Variants in OXR1 observed in about 807,000 individuals in gnomAD.
The protein encoded by OXR1 is oxidation resistance protein 1.
A neutral mutation model predicts 104.6 loss-of-function variants in OXR1; 41 were observed. That is an observed-to-expected ratio of 0.39 (90% CI 0.31 to 0.51). The LOEUF is 0.51. Among genes scored for constraint, OXR1 ranks in the 20% least tolerant of loss-of-function variants. OXR1 has a pLI of 0.77. For missense variants in OXR1, 955 were observed against 1,031.9 expected (o/e 0.93, Z 1.02); for synonymous variants, 348 against 348.4 (o/e 1.00, Z 0.01).
chr8:106,544,655 G>T (rs1364431041), intron 3 of OXR1, among the ~76,000 whole-genome samples: 1 of 152,100 alleles, frequency 6.6e-6, no homozygotes, highest in Admixed American at 6.6e-5. Flanking sequence ...AATATATAAT[G>T]CTGAATCTCG....
At chr8:106,715,480 GTGTT>G (rs1832149988) in intron 11 of OXR1, among the ~76,000 whole-genome samples, 1 of 150,248 alleles carries the variant, frequency 6.7e-6, no homozygotes, top group Non-Finnish European at 1.5e-5. Context: ...TCCCTGAGCT[GTGTT>G]TTTAAGATTA....
chr8:106,297,243 T>C (rs1402755237), intron 1 of OXR1, among the ~76,000 whole-genome samples: 4 of 152,196 alleles, frequency 2.6e-5, no homozygotes, highest in Non-Finnish European at 5.9e-5. Context: ...TATTTTACTT[T>C]GTCTTTGATT....
intron 11 of OXR1, among the ~76,000 whole-genome samples, chr8:106,735,190 C>CT (rs985753037): frequency 6.6e-6 from 1 of 150,864 alleles, no homozygotes; most frequent in African/African-American, 2.4e-5. Context: ...ATTCAAATCT[C>CT]TTTTTTCTAT....
chr8:106,681,808 A>G (rs1828182587), intron 4 of OXR1, among the ~76,000 whole-genome samples: 1 of 152,144 alleles, frequency 6.6e-6, no homozygotes, highest in South Asian at 2.1e-4. Flanking sequence ...TACAGGCATG[A>G]CCCACCATGT....
chr8:106,312,000 C>A lies in OXR1; in HGVS notation c.-139+41633C>A, dbSNP rs555383775. Among the ~76,000 whole-genome samples, 3 of 151,962 alleles carry A rather than the reference C, an allele frequency of 2.0e-5. No homozygotes were observed. The East Asian group carries it at 5.8e-4, about 29-fold the overall frequency. ...TTTTATATCCTCATCTTCACCTACA[C>A]CCCCACCCCCCTGCCCACAGACCTT... On this transcript the variant is annotated intron_variant, in intron 1 of 16. Coordinates refer to ENST00000517566, the MANE Select transcript of OXR1 (RefSeq NM_001198533.2).
At chr8:106,344,025 A>G (rs1815369495) in intron 1 of OXR1, among the ~76,000 whole-genome samples, 1 of 152,226 alleles carries the variant, frequency 6.6e-6, no homozygotes, top group Non-Finnish European at 1.5e-5. Context: ...CTGGTAGTTC[A>G]GAAACTAACT....
chr8:106,323,696 A>C (rs1406960461), intron 1 of OXR1, among the ~76,000 whole-genome samples: 1 of 152,182 alleles, frequency 6.6e-6, no homozygotes, highest in Non-Finnish European at 1.5e-5. Context: ...AAAAGTGCGC[A>C]AAGGACATGA....
intron 2 of OXR1, among the ~76,000 whole-genome samples, chr8:106,365,437 A>G (rs562836417): frequency 1.3e-5 from 2 of 152,142 alleles, no homozygotes; most frequent in East Asian, 3.9e-4. Context: ...AAGAGAAAAA[A>G]AAAAAAGAAT....
intron 3 of OXR1, among the ~76,000 whole-genome samples, chr8:106,566,442 A>C (rs1034091889): frequency 1.3e-5 from 2 of 152,202 alleles, no homozygotes; most frequent in Non-Finnish European, 2.9e-5. Flanking sequence ...GCCTGTTAGA[A>C]TGGTGATCAT....
chr8:106,683,881 A>T (rs1828432201), intron 5 of OXR1, among the ~76,000 whole-genome samples: 1 of 152,188 alleles, frequency 6.6e-6, no homozygotes. Flanking sequence ...ATGCCTGTAC[A>T]CATCTGTTTT....
At chr8:106,293,741 G>A (rs1346304171) in intron 1 of OXR1, among the ~76,000 whole-genome samples, 5 of 152,090 alleles carry the variant, frequency 3.3e-5, no homozygotes, top group South Asian at 2.1e-4. Flanking sequence ...CAAACTCTTT[G>A]TCCTTACATG....
intron 2 of OXR1, among the ~76,000 whole-genome samples, chr8:106,393,117 G>A (rs1341551226): frequency 6.6e-6 from 1 of 152,092 alleles, no homozygotes. Flanking sequence ...ATAGCAAGCT[G>A]ATTACCTGTA....
At chr8:106,480,525 G>C (rs1360934835) in intron 2 of OXR1, among the ~76,000 whole-genome samples, 1 of 151,850 alleles carries the variant, frequency 6.6e-6, no homozygotes, top group East Asian at 1.9e-4. Context: ...TTAAACTATA[G>C]AAGTATTTCA....
chr8:106,353,295 G>A (rs777565240), intron 1 of OXR1, among the ~76,000 whole-genome samples: 1 of 152,118 alleles, frequency 6.6e-6, no homozygotes, highest in African/African-American at 2.4e-5. Flanking sequence ...GTTGCAGTGA[G>A]TCGAGATCAC....
chr8:106,276,562 C>G (rs1307656696), intron 1 of OXR1, among the ~76,000 whole-genome samples: 3 of 151,990 alleles, frequency 2.0e-5, no homozygotes, highest in Non-Finnish European at 4.4e-5. Context: ...AGTGATTTGC[C>G]TGAGGTCAGT....
At chr8:106,385,247 T>C (rs1366585715) in intron 2 of OXR1, among the ~76,000 whole-genome samples, 1 of 152,210 alleles carries the variant, frequency 6.6e-6, no homozygotes, top group East Asian at 1.9e-4. Context: ...GACAATTACC[T>C]AATTTGAGGC....
At chr8:106,287,905 C>T (rs1013247220) in intron 1 of OXR1, among the ~76,000 whole-genome samples, 1 of 152,198 alleles carries the variant, frequency 6.6e-6, no homozygotes, top group Non-Finnish European at 1.5e-5. Flanking sequence ...GAGCAGAGCT[C>T]CTCTGAGCTG....
intron 3 of OXR1, among the ~76,000 whole-genome samples, chr8:106,671,243 A>G (rs1826948527): frequency 6.6e-6 from 1 of 151,974 alleles, no homozygotes; most frequent in South Asian, 2.1e-4. Flanking sequence ...AGTAAAAACT[A>G]AAAAACTGGG....
intron 3 of OXR1, among the ~76,000 whole-genome samples, chr8:106,641,687 T>C (rs1823647534): frequency 6.6e-6 from 1 of 152,098 alleles, no homozygotes; most frequent in African/African-American, 2.4e-5. Context: ...ACCAGTGTGA[T>C]TTGGCAAGCT....
Sources: allele counts gnomAD v4.1 joint callset (sites outside exome capture counted in the v4.1 genomes callset), GRCh38; gene constraint gnomAD v4.1.1; transcripts MANE v1.5; gene names NCBI Gene and HGNC (gene_info 2026-07-23, HGNC 2026-07-21).